The following ZNF521 variants were observed in gnomAD, a reference collection of about 807,000 sequenced individuals.
The protein encoded by ZNF521 is zinc finger protein 521, also known as LYST-interacting protein 3.
In ZNF521, 14 loss-of-function variants were observed where a neutral mutation model predicts 105.5. That is an observed-to-expected ratio of 0.13 (90% CI 0.09 to 0.21). The LOEUF (loss-of-function observed/expected upper bound fraction) is 0.21, where lower values mean the gene tolerates loss of function less well. Ranked by LOEUF, ZNF521 falls within the 10% of genes least tolerant of loss-of-function variation. The pLI is 1.00. For missense variants in ZNF521, 1,233 were observed against 1,629.7 expected (o/e 0.76, Z 4.19); for synonymous variants, 635 against 606.0 (o/e 1.05, Z -0.70).
At chr18:25,254,661 G>A (rs560002375) in intron 3 of ZNF521, among the ~76,000 whole-genome samples, 1 of 152,190 alleles carries the variant, frequency 6.6e-6, no homozygotes, top group Non-Finnish European at 1.5e-5. Context: ...ATAAAAGAAG[G>A]AAGCAAGGTA....
At chr18:25,256,262 C>T (rs1048583197) in intron 3 of ZNF521, among the ~76,000 whole-genome samples, 11 of 151,532 alleles carry the variant, frequency 7.3e-5, no homozygotes, top group African/African-American at 2.7e-4. Flanking sequence ...TGGGGAGAGA[C>T]GGAGATGCGG....
At chr18:25,337,314 A>C (rs1913946972) in intron 2 of ZNF521, among the ~76,000 whole-genome samples, 1 of 152,134 alleles carries the variant, frequency 6.6e-6, no homozygotes, top group African/African-American at 2.4e-5. Context: ...CAAAAATAAA[A>C]ATTTGGAAGT....
chr18:25,340,361 A>G (rs1914131452), intron 2 of ZNF521, among the ~76,000 whole-genome samples: 1 of 151,952 alleles, frequency 6.6e-6, no homozygotes, highest in African/African-American at 2.4e-5. Context: ...TCTCGAAAAA[A>G]TAATAATAAT....
chr18:25,348,139 T>C (rs1007378928), intron 2 of ZNF521, among the ~76,000 whole-genome samples: 1 of 152,204 alleles, frequency 6.6e-6, no homozygotes, highest in Non-Finnish European at 1.5e-5. Flanking sequence ...CTATACCTGC[T>C]GATAGCAAAG....
chr18:25,186,797 T>C (rs1168155879), intron 5 of ZNF521, among the ~76,000 whole-genome samples: 1 of 151,626 alleles, frequency 6.6e-6, no homozygotes, highest in Non-Finnish European at 1.5e-5. Context: ...AGACATGCTT[T>C]ATACACAGTG....
At chr18:25,351,921 C>G (rs1264021793) in intron 1 of ZNF521, 84 bp downstream of exon 1, 1 of 281,622 alleles carries the variant, frequency 3.6e-6, no homozygotes, top group Non-Finnish European at 7.2e-6. Context: ...GCAGCGGCGG[C>G]GAGAGCAGGA....
chr18:25,322,070 A>G lies in ZNF521; in HGVS notation c.158T>C (p.Leu53Pro), dbSNP rs1912959646. Residue 53 changes from leucine to proline, a missense_variant, in exon 3 of 8, where the codon CTC (leucine) becomes CCC (proline). Leu to Pro is a moderately conservative substitution (Grantham distance 98, BLOSUM62 -3). Transcript: ENST00000361524. Reference protein sequence around the residue: ...DEAVHSCDSCLQVFESLSDIT... With the variant: ...DEAVHSCDSCPQVFESLSDIT... The stretch of plus-strand genomic sequence containing the variant: ...ATCGCTCAGCGATTCAAACACCTGG[A>G]GGCAGCTGTCACAGCTGTGCACAGC... 6.2e-7 allele frequency: 1 copy of G among 1,614,078 alleles called. No individual in the cohort carries two copies. Among genetic ancestry groups the G allele is most frequent in the African/African-American group, 1.3e-5 (1 of 74,920 alleles).
At chr18:25,184,178 T>C (rs1337291713) in intron 5 of ZNF521, among the ~76,000 whole-genome samples, 3 of 152,180 alleles carry the variant, frequency 2.0e-5, no homozygotes. Flanking sequence ...CTACTCATAA[T>C]TGCTTTTTTT....
chr18:25,276,430 C>A (rs1472538780), intron 3 of ZNF521, among the ~76,000 whole-genome samples: 2 of 152,116 alleles, frequency 1.3e-5, no homozygotes, highest in African/African-American at 4.8e-5. Context: ...CCCACAAAAG[C>A]CCTTGATTTA....
At chr18:25,132,628 C>T (rs1448491482) in intron 5 of ZNF521, among the ~76,000 whole-genome samples, 1 of 152,040 alleles carries the variant, frequency 6.6e-6, no homozygotes, top group African/African-American at 2.4e-5. Context: ...GCCTAATGAA[C>T]CCAGATTTTA....
intron 4 of ZNF521, among the ~76,000 whole-genome samples, chr18:25,212,538 A>AATATATATATATATATAT (rs1279194731): frequency 1.5e-4 from 7 of 48,142 alleles, no homozygotes; most frequent in African/African-American, 7.9e-4. Context: ...AAAAAAAAAA[A>AATATATATATATATATAT]ATATATATAT....
chr18:25,104,111 C>G (rs1002499977), intron 5 of ZNF521, among the ~76,000 whole-genome samples: 1 of 152,090 alleles, frequency 6.6e-6, no homozygotes, highest in African/African-American at 2.4e-5. Context: ...TTAAATATTT[C>G]TAAGTCTATA....
intron 5 of ZNF521, among the ~76,000 whole-genome samples, chr18:25,157,010 C>G (rs1362064566): frequency 6.6e-6 from 1 of 151,984 alleles, no homozygotes; most frequent in African/African-American, 2.4e-5. Flanking sequence ...ACCAGCCTGG[C>G]CAACATGACG....
At chr18:25,347,009 ATTGT>A (rs911446922) in intron 2 of ZNF521, among the ~76,000 whole-genome samples, 3 of 152,174 alleles carry the variant, frequency 2.0e-5, no homozygotes, top group Non-Finnish European at 2.9e-5. Flanking sequence ...TCAAAAAAAA[ATTGT>A]TTGTTATTAG....
At chr18:25,139,420 A>G (rs2034804635) in intron 5 of ZNF521, among the ~76,000 whole-genome samples, 1 of 146,188 alleles carries the variant, frequency 6.8e-6, no homozygotes, top group Admixed American at 6.7e-5. Context: ...AGCCTTTAAG[A>G]GCAAAGGAAT....
chr18:25,148,669 A>T (rs1467412355), intron 5 of ZNF521, among the ~76,000 whole-genome samples: 1 of 152,158 alleles, frequency 6.6e-6, no homozygotes, highest in African/African-American at 2.4e-5. Context: ...AAACTGTAAG[A>T]TAACTGTGTT....
chr18:25,350,124 C>A (rs1914663094), intron 2 of ZNF521, among the ~76,000 whole-genome samples: 1 of 152,178 alleles, frequency 6.6e-6, no homozygotes, highest in Non-Finnish European at 1.5e-5. Flanking sequence ...CCCCCGCCCC[C>A]GCCGCAGCCA....
At chr18:25,316,917 C>T (rs1163723231) in intron 3 of ZNF521, among the ~76,000 whole-genome samples, 2 of 148,530 alleles carry the variant, frequency 1.3e-5, no homozygotes, top group African/African-American at 2.5e-5. Flanking sequence ...AGCAATGACA[C>T]GATATCAGCT....
chr18:25,155,518 C>G (rs1313812481), intron 5 of ZNF521, among the ~76,000 whole-genome samples: 3 of 152,094 alleles, frequency 2.0e-5, no homozygotes, highest in African/African-American at 7.2e-5. Flanking sequence ...GAGCTTCTCT[C>G]CAATGTTTTC....
Sources: allele counts gnomAD v4.1 joint callset (sites outside exome capture counted in the v4.1 genomes callset), GRCh38; gene constraint gnomAD v4.1.1; transcripts MANE v1.5; gene names NCBI Gene and HGNC (gene_info 2026-07-23, HGNC 2026-07-21).